RAP1GAP2: variants seen among roughly 807,000 people sequenced by gnomAD.
RAP1GAP2 encodes the protein RAP1 GTPase activating protein 2.
Under a neutral mutation model 95.0 loss-of-function variants are expected in RAP1GAP2, and 27 were observed. That is an observed-to-expected ratio of 0.28 (90% CI 0.21 to 0.39). The LOEUF (loss-of-function observed/expected upper bound fraction) is 0.39, where lower values mean the gene tolerates loss of function less well. RAP1GAP2 is among the 10% of genes least tolerant of loss of function. RAP1GAP2 has a pLI of 1.00. For synonymous variants in RAP1GAP2, 373 were observed against 380.9 expected (o/e 0.98, Z 0.24); for missense variants, 771 against 970.0 (o/e 0.79, Z 2.72).
intron 11 of RAP1GAP2, among the ~76,000 whole-genome samples, chr17:2,987,824 T>G (rs2045607820): frequency 6.6e-6 from 1 of 152,352 alleles, no homozygotes; most frequent in South Asian, 2.1e-4. Context: ...GCCCAAGTTC[T>G]GCTTTTTGTT....
intron 2 of RAP1GAP2, among the ~76,000 whole-genome samples, chr17:2,893,890 C>T (rs920173413): frequency 5.9e-5 from 9 of 152,320 alleles, no homozygotes; most frequent in African/African-American, 1.2e-4. Context: ...CTGCTTGGCA[C>T]GCGCTCTTCC....
At chr17:2,898,496 CA>C (rs1374996411) in intron 2 of RAP1GAP2, among the ~76,000 whole-genome samples, 1 of 152,200 alleles carries the variant, frequency 6.6e-6, no homozygotes, top group Non-Finnish European at 1.5e-5. Flanking sequence ...TGAGGGTCAT[CA>C]GTGCCCGCAT....
Position 2,796,461 on chromosome 17 carries a change from C to G in RAP1GAP2, c.-67C>G, listed in dbSNP as rs2069085801. 9 of 1,532,600 alleles carry G rather than the reference C, an allele frequency of 5.9e-6. No homozygotes were observed. The South Asian group carries it at 1.1e-4, about 18-fold the overall frequency. The allele number at this position is 1,532,600 out of a possible 1,614,324, so 94.9% of individuals were successfully genotyped here. A position where few individuals can be genotyped will look rare whatever the true frequency, so the allele number is the denominator to read the frequency against. ...GCACTGACCCCGCTGTACCACGGCC[C>G]TCTTGCGGACAGCCCCGGGGACGTC... On this transcript the variant is annotated 5_prime_UTR_variant, in exon 1 of 25. Coordinates refer to ENST00000254695, the MANE Select transcript of RAP1GAP2 (RefSeq NM_015085.5). This position sits in a 1 kb window ranked among gnomAD's most constrained non-coding sequence, Gnocchi z 4.7.
rs1303754715 is a variant in RAP1GAP2, at chr17:3,035,823, A to T, written c.*2462A>T. 1 of 152,232 alleles carries T rather than the reference A, an allele frequency of 6.6e-6. No individual in the cohort carries two copies. The highest frequency in any genetic ancestry group is 1.5e-5 in the Non-Finnish European group (1 of 68,064). 9.4% of individuals were successfully genotyped at this position (152,232 alleles called of 1,614,324 possible). A position where few individuals can be genotyped will look rare whatever the true frequency, so the allele number is the denominator to read the frequency against. On this transcript the variant is annotated 3_prime_UTR_variant, in exon 25 of 25. Coordinates refer to ENST00000254695, the MANE Select transcript of RAP1GAP2 (RefSeq NM_015085.5). The surrounding 1 kb of genome is among the most constrained non-coding windows in gnomAD (Gnocchi z 4.3). ...GCTGTTTCCCCCACGCTGTCCCTACATCTGCTCTGATCTAAAATGTCTTTC... is the reference window on the plus strand; with the variant it reads ...GCTGTTTCCCCCACGCTGTCCCTACTTCTGCTCTGATCTAAAATGTCTTTC...
intron 2 of RAP1GAP2, among the ~76,000 whole-genome samples, chr17:2,889,651 A>C (rs1296498976): frequency 2.7e-5 from 4 of 146,084 alleles, no homozygotes; most frequent in African/African-American, 1.0e-4. Flanking sequence ...CACTGGGAGG[A>C]GGCAGGAGGT....
At chr17:2,889,384 G>T (rs541292816) in intron 2 of RAP1GAP2, among the ~76,000 whole-genome samples, 1 of 152,288 alleles carries the variant, frequency 6.6e-6, no homozygotes, top group South Asian at 2.1e-4. Context: ...GCAGGCCAGT[G>T]GTCAGGGTGC....
chr17:2,896,785 G>A lies in RAP1GAP2; in HGVS notation c.81-8499G>A, dbSNP rs530840828. Reference sequence around the variant, plus strand: ...GGTGCAGTTTAGGACTTCAGGTCCTGTCCTCATCTAATGCACCTGGAGGGC... The same window carrying A: ...GGTGCAGTTTAGGACTTCAGGTCCTATCCTCATCTAATGCACCTGGAGGGC... On this transcript the variant is annotated intron_variant, in intron 2 of 24. Transcript: ENST00000254695. 6.6e-4 allele frequency among the ~76,000 whole-genome samples: 101 copies of A among 152,312 alleles called. 2 individuals are homozygous for A. The South Asian group carries it at 0.02, about 31-fold the overall frequency.
At chr17:2,760,150 A>G (rs557267195) in intron 1 of RAP1GAP2, among the ~76,000 whole-genome samples, 127 of 151,590 alleles carry the variant, frequency 8.4e-4, no homozygotes, top group Admixed American at 8.4e-3. Context: ...AAAATTAGCC[A>G]GGCGTGGTGG....
At chr17:2,926,805 G>A (rs572736190) in intron 3 of RAP1GAP2, among the ~76,000 whole-genome samples, 2 of 151,928 alleles carry the variant, frequency 1.3e-5, no homozygotes, top group South Asian at 4.2e-4. Flanking sequence ...AAGAGTTCGA[G>A]ACCAGCCTGG....
rs917540694 is a variant in RAP1GAP2 at position 2,891,814 on chromosome 17, C to CTTTT, written c.81-13447_81-13444dup. On this transcript the variant is annotated intron_variant, in intron 2 of 24. Coordinates refer to ENST00000254695, the MANE Select transcript of RAP1GAP2 (RefSeq NM_015085.5). ...TGATATGCAGATTCATATTTCTTTT[C>CTTTT]TTTTTTTTTTTTTTTTTTTTTTTTT... Among the ~76,000 whole-genome samples the CTTTT allele has an allele frequency of 9.4e-4, 51 of 54,284 alleles. 5 individuals are homozygous for CTTTT. Among genetic ancestry groups the CTTTT allele is most frequent in the African/African-American group, 2.3e-3 (33 of 14,264 alleles). 35.6% of individuals were successfully genotyped at this position (54,284 alleles called of 152,430 possible).
chr17:2,930,664 TA>T (rs1050759197), intron 3 of RAP1GAP2, among the ~76,000 whole-genome samples: 1 of 152,230 alleles, frequency 6.6e-6, no homozygotes, highest in African/African-American at 2.4e-5. Flanking sequence ...TGTCGGATTG[TA>T]AGACAAAGGC....
At position 3,004,896 on chromosome 17, in the gene RAP1GAP2, A is replaced by G. The variant is rs1228449202; in HGVS notation, c.1201-473A>G. Among the ~76,000 whole-genome samples, 2 of 152,180 alleles carry G rather than the reference A, an allele frequency of 1.3e-5. No individual in the cohort carries two copies. The highest frequency in any genetic ancestry group is 2.9e-5 in the Non-Finnish European group (2 of 68,016). ...GAGTCAGGCTTGGGAAGAGAACCCC[A>G]GAGACGGGTCGGGAGAGGTCTGGAT... On this transcript the variant is annotated intron_variant, in intron 14 of 24. Coordinates refer to ENST00000254695, the MANE Select transcript of RAP1GAP2 (RefSeq NM_015085.5). The surrounding 1 kb of genome is among the most constrained non-coding windows in gnomAD (Gnocchi z 4.1).
intron 12 of RAP1GAP2, among the ~76,000 whole-genome samples, chr17:2,994,288 G>C (rs1425372263): frequency 6.6e-6 from 1 of 152,186 alleles, no homozygotes; most frequent in Admixed American, 6.5e-5. Flanking sequence ...GTATTGTAGT[G>C]TTGGGGATGC....
chr17:3,036,338 ACCC>A lies in RAP1GAP2; in HGVS notation c.*2978_*2980del, dbSNP rs2047465277. 2 of 152,106 alleles carry A rather than the reference ACCC, an allele frequency of 1.3e-5. No homozygotes were observed. The highest frequency in any genetic ancestry group is 2.4e-5 in the African/African-American group (1 of 41,408). 9.4% of individuals were successfully genotyped at this position (152,106 alleles called of 1,614,324 possible). On this transcript the variant is annotated 3_prime_UTR_variant, in exon 25 of 25. Coordinates refer to ENST00000254695, the MANE Select transcript of RAP1GAP2 (RefSeq NM_015085.5). ...GGCTGTTGGCAAAGCTGGGATTAGA[ACCC>A]TCAACCCAGGGTCCCTTCCTCTGCA...
intron 2 of RAP1GAP2, among the ~76,000 whole-genome samples, chr17:2,807,962 G>A (rs1034429209): frequency 3.8e-4 from 58 of 152,326 alleles, no homozygotes; most frequent in African/African-American, 1.3e-3. Flanking sequence ...GCGCCCTGGG[G>A]TGAGGCCTCG....
chr17:2,940,684 G>A (rs923813624), intron 3 of RAP1GAP2, among the ~76,000 whole-genome samples: 1 of 152,292 alleles, frequency 6.6e-6, no homozygotes, highest in South Asian at 2.1e-4. Flanking sequence ...CTCTGCAGAC[G>A]CCCCTTCCAG....
At chr17:2,756,528 C>T (rs1165298304) in intron 1 of RAP1GAP2, among the ~76,000 whole-genome samples, 2 of 152,178 alleles carry the variant, frequency 1.3e-5, no homozygotes, top group Non-Finnish European at 2.9e-5. Context: ...GGGGCCTGAC[C>T]TCTGCTTGGC....
rs2044548535 is a variant in RAP1GAP2, at chr17:2,965,426, A to G, written c.493-114A>G. 3 of 777,654 alleles carry G rather than the reference A, an allele frequency of 3.9e-6. No individual in the cohort carries two copies. Among genetic ancestry groups the G allele is most frequent in the African/African-American group, 3.5e-5 (2 of 57,804 alleles). 48.2% of individuals were successfully genotyped at this position (777,654 alleles called of 1,614,324 possible). On this transcript the variant is annotated intron_variant, in intron 7 of 24. Transcript: ENST00000254695. This position sits in a 1 kb window ranked among gnomAD's most constrained non-coding sequence, Gnocchi z 4.7. Reference sequence around the variant, plus strand: ...TGTCGTTGTCATTGTCATCAGTAGCATCCTTCTCTTCCTTGTTGCTGTGGG... The same window carrying G: ...TGTCGTTGTCATTGTCATCAGTAGCGTCCTTCTCTTCCTTGTTGCTGTGGG...
Position 2,796,666 on chromosome 17 carries a change from C to A in RAP1GAP2, c.44+95C>A. ...TGGCGGCCGTGGGAACAGAGGGGCT[C>A]GGGCTGTGCCTGAGAGCTGGGTCTG... is the stretch of plus-strand genomic sequence containing the variant. On this transcript the variant is annotated intron_variant, in intron 1 of 24. Coordinates refer to ENST00000254695, the MANE Select transcript of RAP1GAP2 (RefSeq NM_015085.5). This position sits in a 1 kb window ranked among gnomAD's most constrained non-coding sequence, Gnocchi z 4.7. The A allele has an allele frequency of 1.4e-6, 2 of 1,406,208 alleles. No individual in the cohort carries two copies. The highest frequency in any genetic ancestry group is 2.0e-6 in the Non-Finnish European group (2 of 1,015,798). 87.1% of individuals were successfully genotyped at this position (1,406,208 alleles called of 1,614,324 possible).
Sources: allele counts gnomAD v4.1 joint callset (sites outside exome capture counted in the v4.1 genomes callset), GRCh38; gene constraint gnomAD v4.1.1; non-coding constraint Gnocchi (gnomAD v3.1); transcripts MANE v1.5; gene names NCBI Gene and HGNC (gene_info 2026-07-23, HGNC 2026-07-21).